The following LRRC8D variants were observed in gnomAD, a reference collection of about 807,000 sequenced individuals.
The protein encoded by LRRC8D is volume-regulated anion channel subunit LRRC8D.
LRRC8D carries 20 observed loss-of-function variants against 55.8 expected under a neutral mutation model. The observed-to-expected ratio is 0.36, with a 90% CI of 0.25 to 0.52. The LOEUF (loss-of-function observed/expected upper bound fraction) is 0.52, where lower values mean the gene tolerates loss of function less well. LRRC8D is among the 20% of genes least tolerant of loss of function. The pLI is 0.93. For missense variants in LRRC8D, 651 were observed against 1,030.8 expected (o/e 0.63, Z 5.05); for synonymous variants, 352 against 377.0 (o/e 0.93, Z 0.77).
intron 2 of LRRC8D, among the ~76,000 whole-genome samples, chr1:89,875,480 G>A (rs191345744): frequency 6.6e-6 from 1 of 152,098 alleles, no homozygotes; most frequent in African/African-American, 2.4e-5. Flanking sequence ...AGTCTGATAA[G>A]CATGTGTTTC....
At chr1:89,835,436 T>G (rs1660982460) in intron 1 of LRRC8D, among the ~76,000 whole-genome samples, 1 of 152,346 alleles carries the variant, frequency 6.6e-6, no homozygotes, top group African/African-American at 2.4e-5. Flanking sequence ...AGCATTGTCA[T>G]TTGGCTGAAG....
chr1:89,860,770 AAAAAAAAAAAAAAAAATATATATAT>A (rs1445778107), intron 2 of LRRC8D, among the ~76,000 whole-genome samples: 1 of 78,770 alleles, frequency 1.3e-5, no homozygotes, highest in Non-Finnish European at 2.8e-5. Context: ...AAAAAAAAAA[AAAAAAAAAAAAAAAAATATATATAT>A]ATATATATAT....
At chr1:89,846,143 T>G (rs1661273150) in intron 2 of LRRC8D, among the ~76,000 whole-genome samples, 1 of 152,122 alleles carries the variant, frequency 6.6e-6, no homozygotes, top group Non-Finnish European at 1.5e-5. Flanking sequence ...ATTTGGGGAC[T>G]TTCTTTAGCA....
chr1:89,925,503 G>A (rs1663536633), intron 2 of LRRC8D, among the ~76,000 whole-genome samples: 1 of 152,146 alleles, frequency 6.6e-6, no homozygotes, highest in Non-Finnish European at 1.5e-5. Flanking sequence ...GTTGGGGACT[G>A]CTGACCTTGG....
Position 89,935,082 on chromosome 1 carries a change from A to G in LRRC8D, c.2014A>G (p.Thr672Ala). The stretch of plus-strand genomic sequence containing the variant: ...GGATTTAAAGTCCAATAACATTCGC[A>G]CAATTGAGGAAATCATCAGTTTCCA... ...ELDLKSNNIR[T>A]IEEIISFQHL... The change falls in exon 3 of 3, where the codon ACA (threonine) becomes GCA (alanine). Residue 672 changes from threonine (T) to alanine (A), a missense_variant. Coordinates refer to ENST00000337338, the MANE Select transcript of LRRC8D (RefSeq NM_001134479.2). The G allele has an allele frequency of 6.2e-7, 1 of 1,614,226 alleles. No homozygotes were observed. Among genetic ancestry groups the G allele is most frequent in the South Asian group, 1.1e-5 (1 of 91,080 alleles).
At chr1:89,843,513 C>T in intron 1 of LRRC8D, 125 bp from the exon 2 acceptor site, 2 of 580,270 alleles carry the variant, frequency 3.4e-6, no homozygotes, top group East Asian at 3.3e-5. Flanking sequence ...CGCTGGGTGC[C>T]CACCATGGCA....
chr1:89,831,302 A>G (rs1660880388), intron 1 of LRRC8D, among the ~76,000 whole-genome samples: 1 of 152,218 alleles, frequency 6.6e-6, no homozygotes, highest in Non-Finnish European at 1.5e-5. Context: ...AGAGCAAAGC[A>G]ACCCGCAAGC....
At chr1:89,843,337 G>A (rs534018434) in intron 1 of LRRC8D, 1 of 237,168 alleles carries the variant, frequency 4.2e-6, no homozygotes, top group East Asian at 8.5e-5. Context: ...AGGTACTTGT[G>A]GGGAGGGGAG....
chr1:89,871,449 C>A (rs1235023866), intron 2 of LRRC8D, among the ~76,000 whole-genome samples: 2 of 152,138 alleles, frequency 1.3e-5, no homozygotes, highest in Admixed American at 1.3e-4. Context: ...GCAGATACCC[C>A]CTTCCCTCTC....
intron 1 of LRRC8D, among the ~76,000 whole-genome samples, chr1:89,841,580 ACTTT>A (rs1661135774): frequency 6.6e-6 from 1 of 152,216 alleles, no homozygotes; most frequent in South Asian, 2.1e-4. Context: ...ATCATTTGCC[ACTTT>A]CTTAAAGAGC....
chr1:89,917,508 G>A (rs1663305424), intron 2 of LRRC8D, among the ~76,000 whole-genome samples: 1 of 151,936 alleles, frequency 6.6e-6, no homozygotes, highest in Admixed American at 6.6e-5. Flanking sequence ...TCAAGCTTTG[G>A]GCACTAGCCT....
chr1:89,936,552 GA>G lies in LRRC8D; in HGVS notation c.*911del, dbSNP rs768833029. 2.0e-5 allele frequency: 3 copies of G among 152,256 alleles called. No homozygotes were observed. The highest frequency in any genetic ancestry group is 7.2e-5 in the African/African-American group (3 of 41,534). The allele number at this position is 152,256 out of a possible 1,614,324, so 9.4% of individuals were successfully genotyped here. On this transcript the variant is annotated 3_prime_UTR_variant, in exon 3 of 3. Coordinates refer to ENST00000337338, the MANE Select transcript of LRRC8D (RefSeq NM_001134479.2). ...TTCAGTGTTGTTCTGGTGTTGGTGG[GA>G]AAATAATAGGAAATGTAGTTCATTG... is the stretch of plus-strand genomic sequence containing the variant.
chr1:89,890,680 A>G (rs72965695), intron 2 of LRRC8D, among the ~76,000 whole-genome samples: 66 of 152,274 alleles, frequency 4.3e-4, no homozygotes, highest in African/African-American at 1.6e-3. Flanking sequence ...ACCTTCCCTT[A>G]TGTTAATGCC....
chr1:89,935,683 C>G lies in LRRC8D; in HGVS notation c.*38C>G. 6.4e-7 allele frequency: 1 copy of G among 1,565,720 alleles called. No individual in the cohort carries two copies. Among genetic ancestry groups the G allele is most frequent in the Middle Eastern group, 1.7e-4 (1 of 5,842 alleles). On this transcript the variant is annotated 3_prime_UTR_variant, in exon 3 of 3. Transcript: ENST00000337338. The stretch of plus-strand genomic sequence containing the variant: ...TATGCACAGTGATGTGCAGGAACAA[C>G]TTCCTAGATTGCAAGTGCTCACGTA...
chr1:89,917,650 A>G (rs1327309390), intron 2 of LRRC8D, among the ~76,000 whole-genome samples: 1 of 152,058 alleles, frequency 6.6e-6, no homozygotes, highest in Non-Finnish European at 1.5e-5. Context: ...TTCCTCCCTG[A>G]TCTTGCCAGC....
chr1:89,846,083 C>T (rs182292042), intron 2 of LRRC8D, among the ~76,000 whole-genome samples: 1 of 152,174 alleles, frequency 6.6e-6, no homozygotes, highest in East Asian at 1.9e-4. Context: ...CCAGCCACTG[C>T]CTCTACTTTT....
chr1:89,933,748 G>A lies in LRRC8D; in HGVS notation c.680G>A (p.Arg227Lys). Residue 227 changes from arginine to lysine, a missense_variant, in exon 3 of 3, where the codon AGA (arginine) becomes AAA (lysine). Arg to Lys is a conservative substitution (Grantham distance 26). This residue lies in a region of LRRC8D where 178 missense variants were observed against 374.9 expected (regional missense o/e 0.47). Coordinates refer to ENST00000337338, the MANE Select transcript of LRRC8D (RefSeq NM_001134479.2). This position sits in a 1 kb window ranked among gnomAD's most constrained non-coding sequence, Gnocchi z 7.0. ...GAAGACTCAGAGGAAAACAAGCAGA[G>A]AATAACAGGTGCCCAGACTCTACCA... Reference protein sequence around the residue: ...ACEDSEENKQRITGAQTLPKH... With the variant: ...ACEDSEENKQKITGAQTLPKH... The A allele has an allele frequency of 6.2e-7, 1 of 1,614,138 alleles. No individual in the cohort carries two copies. The highest frequency in any genetic ancestry group is 8.5e-7 in the Non-Finnish European group (1 of 1,180,022).
intron 2 of LRRC8D, among the ~76,000 whole-genome samples, chr1:89,848,180 C>T (rs1274579933): frequency 1.3e-5 from 2 of 152,166 alleles, no homozygotes; most frequent in African/African-American, 4.8e-5. Flanking sequence ...TGCAGTTAGT[C>T]ATGGATAACT....
At chr1:89,849,436 G>C (rs754616945) in intron 2 of LRRC8D, among the ~76,000 whole-genome samples, 1 of 151,372 alleles carries the variant, frequency 6.6e-6, no homozygotes, top group Non-Finnish European at 1.5e-5. Flanking sequence ...TAATTTTACT[G>C]GGAACTGCAC....
Sources: gnomAD v4.1 joint callset for allele counts (sites outside exome capture counted in the v4.1 genomes callset) on GRCh38, gnomAD v4.1.1 for gene constraint, gnomAD v4.1.1 regional missense constraint, Gnocchi (gnomAD v3.1) non-coding constraint, MANE v1.5 for transcripts, NCBI Gene and HGNC (gene_info 2026-07-23, HGNC 2026-07-21) for gene names.